KIAA1217: variants seen among roughly 807,000 people sequenced by gnomAD.
KIAA1217 encodes the protein KIAA1217, also known as sickle tail protein homolog.
KIAA1217 carries 88 observed loss-of-function variants against 163.9 expected under a neutral mutation model. The ratio of observed to expected loss-of-function variants is 0.54; its 90% CI spans 0.45 to 0.64. KIAA1217 has a LOEUF of 0.64. Ranked by LOEUF, KIAA1217 falls within the 30% of genes least tolerant of loss-of-function variation. The probability of loss-of-function intolerance (pLI) is 0.00; values close to 1 mark genes in which losing one functional copy is unlikely to be tolerated. For synonymous variants in KIAA1217, 903 were observed against 923.1 expected (o/e 0.98, Z 0.39); for missense variants, 2,372 against 2,475.0 (o/e 0.96, Z 0.88).
At chr10:24,500,712 CTA>C (rs2133946509) in intron 8 of KIAA1217, among the ~76,000 whole-genome samples, 1 of 152,220 alleles carries the variant, frequency 6.6e-6, no homozygotes, top group South Asian at 2.1e-4. Flanking sequence ...CATAAGCACT[CTA>C]TATTAGGTCT....
At chr10:24,061,895 G>A (rs1208105223) in intron 2 of KIAA1217, among the ~76,000 whole-genome samples, 2 of 152,062 alleles carry the variant, frequency 1.3e-5, no homozygotes, top group African/African-American at 4.8e-5. Flanking sequence ...GAGTCCTCTG[G>A]ATTTCCTGGA....
At chr10:24,159,598 T>C (rs2065027141) in intron 2 of KIAA1217, among the ~76,000 whole-genome samples, 1 of 132,566 alleles carries the variant, frequency 7.5e-6, no homozygotes, top group Admixed American at 8.1e-5. Flanking sequence ...GCTAACACGG[T>C]GAAACCCCGT....
chr10:23,809,578 T>A (rs1031772404), intron 1 of KIAA1217, among the ~76,000 whole-genome samples: 2 of 151,902 alleles, frequency 1.3e-5, no homozygotes, highest in Non-Finnish European at 1.5e-5. Flanking sequence ...AGGTAAGTAA[T>A]CACTGTAACT....
intron 9 of KIAA1217, among the ~76,000 whole-genome samples, chr10:24,510,327 C>A (rs2068930276): frequency 1.3e-5 from 2 of 152,124 alleles, no homozygotes; most frequent in African/African-American, 4.8e-5. Context: ...TTGTTAATAT[C>A]CACTATCTAA....
chr10:24,069,601 G>T (rs886388356), intron 2 of KIAA1217, among the ~76,000 whole-genome samples: 1 of 152,146 alleles, frequency 6.6e-6, no homozygotes. Context: ...TGGGGGTAGG[G>T]GTTATAGAAG....
intron 1 of KIAA1217, among the ~76,000 whole-genome samples, chr10:23,790,377 GTA>G (rs1564423166): frequency 1.5e-5 from 1 of 67,632 alleles, no homozygotes; most frequent in Non-Finnish European, 2.7e-5. Context: ...ATATACATAT[GTA>G]TATATACATA....
At chr10:24,252,653 C>CCATT (rs60780857) in intron 2 of KIAA1217, among the ~76,000 whole-genome samples, 6 of 152,068 alleles carry the variant, frequency 3.9e-5, no homozygotes, top group African/African-American at 7.2e-5. Context: ...AAAAAAATAA[C>CCATT]CATTCATTCA....
intron 5 of KIAA1217, among the ~76,000 whole-genome samples, chr10:24,471,886 C>CAAAAA (rs749624402): frequency 4.3e-5 from 2 of 46,934 alleles, no homozygotes; most frequent in South Asian, 7.2e-4. Flanking sequence ...GACTCCATCT[C>CAAAAA]AAAAAAAAAA....
At chr10:23,767,167 C>G (rs7090731) in intron 1 of KIAA1217, among the ~76,000 whole-genome samples, 42,909 of 152,080 alleles carry the variant, frequency 0.28, 7,447 homozygotes, top group African/African-American at 0.49. Flanking sequence ...CAATGGCCAA[C>G]AGCTATGAAT....
At position 23,849,223 on chromosome 10, in the gene KIAA1217, A is replaced by C. The variant is rs138176264; in HGVS notation, c.-321+153989A>C. On this transcript the variant is annotated intron_variant, in intron 1 of 18. Coordinates refer to the KIAA1217 transcript ENST00000376462. Reference sequence around the variant, plus strand: ...ATCAATGGAAGCCTTAAAATATATAAATCTCCAATCTAAATCCAGGGACTA... The same window carrying C: ...ATCAATGGAAGCCTTAAAATATATACATCTCCAATCTAAATCCAGGGACTA... 1.1e-3 allele frequency among the ~76,000 whole-genome samples: 163 copies of C among 152,244 alleles called. 1 individual carries two copies. Among genetic ancestry groups the C allele is most frequent in the African/African-American group, 3.8e-3 (158 of 41,558 alleles).
At chr10:24,434,123 G>A (rs192212932) in intron 4 of KIAA1217, among the ~76,000 whole-genome samples, 8 of 135,518 alleles carry the variant, frequency 5.9e-5, no homozygotes, top group Admixed American at 2.5e-4. Flanking sequence ...TGTAACCTCC[G>A]CCTCCTGGGT....
chr10:23,713,906 T>A (rs1199015543), intron 1 of KIAA1217, among the ~76,000 whole-genome samples: 1 of 152,142 alleles, frequency 6.6e-6, no homozygotes, highest in African/African-American at 2.4e-5. Context: ...AGCTCAGAAC[T>A]TTCTTCTGAA....
intron 5 of KIAA1217, among the ~76,000 whole-genome samples, chr10:24,443,263 C>T (rs1425170545): frequency 6.6e-6 from 1 of 152,032 alleles, no homozygotes; most frequent in South Asian, 2.1e-4. Context: ...TATAAGCCCC[C>T]CTGTTTACAG....
At chr10:23,785,155 C>T (rs753027232) in intron 1 of KIAA1217, among the ~76,000 whole-genome samples, 9 of 152,164 alleles carry the variant, frequency 5.9e-5, no homozygotes, top group Non-Finnish European at 1.0e-4. Flanking sequence ...CTCCAAGTTC[C>T]TCTTCTGTCA....
chr10:24,211,388 T>TTTTTTA (rs1564835656), intron 1 of KIAA1217, among the ~76,000 whole-genome samples: 2 of 114,050 alleles, frequency 1.8e-5, no homozygotes, highest in Admixed American at 9.2e-5. Flanking sequence ...TTTTTTTTTT[T>TTTTTTA]TTAGAGAGGG....
chr10:24,199,223 C>A (rs1161435535), intron 2 of KIAA1217, among the ~76,000 whole-genome samples: 1 of 152,092 alleles, frequency 6.6e-6, no homozygotes, highest in African/African-American at 2.4e-5. Flanking sequence ...CAGAGAAAGA[C>A]CCTTTCTCAA....
chr10:24,472,730 A>G (rs1369757623), intron 5 of KIAA1217, among the ~76,000 whole-genome samples: 1 of 152,196 alleles, frequency 6.6e-6, no homozygotes, highest in Non-Finnish European at 1.5e-5. Flanking sequence ...TGATTTTTTT[A>G]AACACCATAG....
chr10:24,166,376 T>TA (rs546642231), intron 2 of KIAA1217, among the ~76,000 whole-genome samples: 4 of 151,926 alleles, frequency 2.6e-5, no homozygotes, highest in South Asian at 2.1e-4. Flanking sequence ...TACACTTAGA[T>TA]AAAAAAAATA....
chr10:23,868,709 C>T (rs1840311447), intron 1 of KIAA1217, among the ~76,000 whole-genome samples: 1 of 152,116 alleles, frequency 6.6e-6, no homozygotes, highest in South Asian at 2.1e-4. Flanking sequence ...GGCTGTCTAT[C>T]CTTCTTGTTA....
Sources: gnomAD v4.1 joint callset for allele counts (sites outside exome capture counted in the v4.1 genomes callset) on GRCh38, gnomAD v4.1.1 for gene constraint, MANE v1.5 for transcripts, NCBI Gene and HGNC (gene_info 2026-07-23, HGNC 2026-07-21) for gene names.